The following NDST3 variants were observed in gnomAD, a reference collection of about 807,000 sequenced individuals.
NDST3 encodes the protein bifunctional heparan sulfate N-deacetylase/N-sulfotransferase 3.
Under a neutral mutation model 96.1 loss-of-function variants are expected in NDST3, and 58 were observed. The ratio of observed to expected loss-of-function variants is 0.60; its 90% CI spans 0.49 to 0.75. The LOEUF (loss-of-function observed/expected upper bound fraction) is 0.75, where lower values mean the gene tolerates loss of function less well. NDST3 is among the 30% of genes least tolerant of loss of function. The probability of loss-of-function intolerance (pLI) is 0.00; values close to 1 mark genes in which losing one functional copy is unlikely to be tolerated. For synonymous variants in NDST3, 333 were observed against 359.7 expected, an observed-to-expected ratio of 0.93 and a Z score of 0.84; for missense variants, 788 against 1,034.2, an observed-to-expected ratio of 0.76 and a Z score of 3.27.
chr4:118,174,110 T>G (rs2125940875), intron 6 of NDST3, among the ~76,000 whole-genome samples: 1 of 152,306 alleles, frequency 6.6e-6, no homozygotes, highest in East Asian at 1.9e-4. Context: ...TAATTTTTTG[T>G]GGTTTAACTT....
At chr4:118,080,979 T>C (rs185543982) in intron 2 of NDST3, among the ~76,000 whole-genome samples, 113 of 152,306 alleles carry the variant, frequency 7.4e-4, no homozygotes, top group African/African-American at 2.6e-3. Context: ...GGGTGTAAAG[T>C]GAAAAGATAA....
chr4:118,205,981 C>T lies in NDST3; in HGVS notation c.1540-18510C>T, dbSNP rs776080844. Among the ~76,000 whole-genome samples, 4 of 142,728 alleles carry T rather than the reference C, an allele frequency of 2.8e-5. 1 individual carries two copies. The highest frequency in any genetic ancestry group is 4.8e-4 in the South Asian group (2 of 4,164). 93.6% of individuals were successfully genotyped at this position (142,728 alleles called of 152,430 possible). The stretch of plus-strand genomic sequence containing the variant: ...CCGAGTAGCTGGGATTACAGAAGCC[C>T]GCCACCACGCCCAGCTAATTTTTTG... On this transcript the variant is annotated intron_variant, in intron 6 of 13. Transcript: ENST00000296499.
chr4:118,196,617 T>G (rs901335335), intron 6 of NDST3, among the ~76,000 whole-genome samples: 3 of 152,292 alleles, frequency 2.0e-5, no homozygotes, highest in Non-Finnish European at 2.9e-5. Flanking sequence ...CTTCTAGATT[T>G]TCCAATTTTT....
chr4:118,152,954 G>A (rs1435899637), intron 6 of NDST3, among the ~76,000 whole-genome samples: 1 of 152,136 alleles, frequency 6.6e-6, no homozygotes, highest in Non-Finnish European at 1.5e-5. Flanking sequence ...CTGGCCTTCT[G>A]TGAAATGTCC....
chr4:118,036,100 T>C (rs896992312), intron 1 of NDST3, among the ~76,000 whole-genome samples: 3 of 152,104 alleles, frequency 2.0e-5, no homozygotes, highest in African/African-American at 4.8e-5. Context: ...TTCTAAACCA[T>C]ATATTCTGCT....
intron 1 of NDST3, among the ~76,000 whole-genome samples, chr4:118,051,013 A>G (rs1388847193): frequency 6.6e-6 from 1 of 152,092 alleles, no homozygotes; most frequent in Non-Finnish European, 1.5e-5. Context: ...GTACTGGTAC[A>G]AAAGCAGACA....
intron 6 of NDST3, among the ~76,000 whole-genome samples, chr4:118,215,625 C>T (rs924933672): frequency 1.5e-5 from 2 of 134,082 alleles, no homozygotes; most frequent in African/African-American, 4.9e-5. Flanking sequence ...GAGGGAAGGA[C>T]CAGTGGAGAG....
At chr4:118,150,032 G>C (rs1377194410) in intron 6 of NDST3, among the ~76,000 whole-genome samples, 8 of 150,858 alleles carry the variant, frequency 5.3e-5, no homozygotes, top group Non-Finnish European at 8.9e-5. Context: ...TTTTGTCTTT[G>C]GTTCTGTTTA....
chr4:118,077,977 T>C (rs1354058122), intron 2 of NDST3, among the ~76,000 whole-genome samples: 1 of 152,170 alleles, frequency 6.6e-6, no homozygotes, highest in East Asian at 1.9e-4. Flanking sequence ...ATCACTCCCC[T>C]TGGACTCAAG....
rs191162429 is a variant in NDST3, at chr4:118,146,344, T to A, written c.1539+2660T>A. On this transcript the variant is annotated intron_variant, in intron 6 of 13. Transcript: ENST00000296499. Reference sequence around the variant, plus strand: ...TTATCGTTTACTACAAAAAGATAGATGTGTATTGGAAACATGGCACTTAAA... The same window carrying A: ...TTATCGTTTACTACAAAAAGATAGAAGTGTATTGGAAACATGGCACTTAAA... 2.0e-5 allele frequency among the ~76,000 whole-genome samples: 3 copies of A among 152,340 alleles called. No individual in the cohort carries two copies. The East Asian group carries it at 5.8e-4, about 29-fold the overall frequency.
chr4:118,118,406 C>G (rs1731285851), intron 4 of NDST3, among the ~76,000 whole-genome samples: 1 of 152,164 alleles, frequency 6.6e-6, no homozygotes, highest in Non-Finnish European at 1.5e-5. Flanking sequence ...AAGAGAATTT[C>G]CGAGACTGTG....
chr4:118,089,810 C>T (rs1728722693), intron 2 of NDST3, among the ~76,000 whole-genome samples: 1 of 151,914 alleles, frequency 6.6e-6, no homozygotes, highest in African/African-American at 2.4e-5. Flanking sequence ...AGGAGGAACA[C>T]ATTATTCATC....
At chr4:118,151,879 C>A (rs1348877739) in intron 6 of NDST3, among the ~76,000 whole-genome samples, 3 of 152,058 alleles carry the variant, frequency 2.0e-5, no homozygotes, top group East Asian at 3.9e-4. Context: ...GATTTAGAGG[C>A]CCCTCCTGCG....
At chr4:118,180,037 A>C (rs1313526131) in intron 6 of NDST3, among the ~76,000 whole-genome samples, 1 of 152,026 alleles carries the variant, frequency 6.6e-6, no homozygotes, top group Non-Finnish European at 1.5e-5. Context: ...CTAGGGTGAA[A>C]ATAGAGGGGG....
chr4:118,156,129 T>G (rs867911262), intron 6 of NDST3, among the ~76,000 whole-genome samples: 10 of 152,186 alleles, frequency 6.6e-5, no homozygotes, highest in South Asian at 2.1e-4. Flanking sequence ...TCTCATCCTT[T>G]TTTTCAATAA....
intron 5 of NDST3, among the ~76,000 whole-genome samples, chr4:118,139,518 A>T (rs1393095911): frequency 1.3e-5 from 2 of 152,140 alleles, no homozygotes; most frequent in Non-Finnish European, 2.9e-5. Context: ...AGAAAATAAG[A>T]CTAGGAGCCA....
intron 2 of NDST3, among the ~76,000 whole-genome samples, chr4:118,076,951 A>T (rs1706679201): frequency 6.6e-6 from 1 of 151,930 alleles, no homozygotes; most frequent in Admixed American, 6.6e-5. Context: ...GATGTTGCTG[A>T]TGGGGTTTTT....
rs571839381 is a variant in NDST3 at position 118,190,768 on chromosome 4, A to C, written c.1540-33723A>C. Among the ~76,000 whole-genome samples the C allele has an allele frequency of 2.0e-5, 3 of 152,276 alleles. No individual in the cohort carries two copies. The East Asian group carries it at 5.8e-4, about 29-fold the overall frequency. On this transcript the variant is annotated intron_variant, in intron 6 of 13. Transcript: ENST00000296499. ...TGAAAACATGTCTCCAGACCTCACC[A>C]TGGCCACCTATGCAGACCCCCAAAC...
intron 6 of NDST3, among the ~76,000 whole-genome samples, chr4:118,210,879 G>A (rs1445992640): frequency 6.6e-6 from 1 of 151,926 alleles, no homozygotes; most frequent in Non-Finnish European, 1.5e-5. Flanking sequence ...ATGGGGCCCA[G>A]AAGTGATGAC....
Sources: gnomAD v4.1 joint callset for allele counts (sites outside exome capture counted in the v4.1 genomes callset) on GRCh38, gnomAD v4.1.1 for gene constraint, MANE v1.5 for transcripts, NCBI Gene and HGNC (gene_info 2026-07-23, HGNC 2026-07-21) for gene names.